FYB2: variants seen among roughly 807,000 people sequenced by gnomAD.
FYB2 encodes FYN-binding protein 2.
FYB2 carries 103 observed loss-of-function variants against 94.1 expected under a neutral mutation model. The ratio of observed to expected loss-of-function variants is 1.09; its 90% CI spans 0.93 to 1.29. The LOEUF (loss-of-function observed/expected upper bound fraction) is 1.29. Among genes scored for constraint, FYB2 ranks in the 50% most tolerant of loss-of-function variants. FYB2 has a pLI of 0.00. For synonymous variants in FYB2, 293 were observed against 287.9 expected (o/e 1.02, Z -0.18); for missense variants, 896 against 841.5 (o/e 1.06, Z -0.80).
intron 1 of FYB2, among the ~76,000 whole-genome samples, chr1:56,797,813 A>C (rs1646434320): frequency 6.6e-6 from 1 of 152,206 alleles, no homozygotes; most frequent in African/African-American, 2.4e-5. Flanking sequence ...ACAACAACAA[A>C]ACACACTGGC....
In FYB2 at chr1:56,732,731, TAC is replaced by T. The variant is rs574737477; in HGVS notation, c.1793+4354_1793+4355del. On this transcript the variant is annotated intron_variant, in intron 15 of 19. Transcript: ENST00000343433. ...CTCCAAGAACACTCAATGGGGGAAGTACAGTCTTTTCAGTAAATGGTGCTAGG... is the reference window on the plus strand; with the variant it reads ...CTCCAAGAACACTCAATGGGGGAAGTAGTCTTTTCAGTAAATGGTGCTAGG... 1.9e-3 allele frequency among the ~76,000 whole-genome samples: 292 copies of T among 152,108 alleles called. 1 individual carries two copies. The highest frequency in any genetic ancestry group is 6.8e-3 in the African/African-American group (281 of 41,516).
intron 16 of FYB2, among the ~76,000 whole-genome samples, chr1:56,726,195 C>T (rs1410429284): frequency 6.6e-6 from 1 of 151,968 alleles, no homozygotes; most frequent in African/African-American, 2.4e-5. Flanking sequence ...GAAGTTCTTA[C>T]ACCTAAAAGA....
chr1:56,822,625 A>T (rs1646998897), upstream of FYB2, among the ~76,000 whole-genome samples: 1 of 151,964 alleles, frequency 6.6e-6, no homozygotes. Flanking sequence ...CTTACTTTCA[A>T]TCTCAGATTC....
At chr1:56,788,409 T>TGGTGAGGGATGAGA (rs1557649325) in intron 3 of FYB2, among the ~76,000 whole-genome samples, 3 of 151,468 alleles carry the variant, frequency 2.0e-5, no homozygotes, top group African/African-American at 7.3e-5. Context: ...GTGGTGGGAG[T>TGGTGAGGGATGAGA]GGTGAGGGAT....
intron 15 of FYB2, among the ~76,000 whole-genome samples, chr1:56,732,557 G>A (rs1233679344): frequency 6.6e-6 from 1 of 151,996 alleles, no homozygotes; most frequent in African/African-American, 2.4e-5. Context: ...TCTGTATAAA[G>A]CACAGTACCA....
Position 56,744,008 on chromosome 1 carries a change from A to C in FYB2, c.1543+18T>G. 1 of 1,610,394 alleles carries C rather than the reference A, an allele frequency of 6.2e-7. No homozygotes were observed. The highest frequency in any genetic ancestry group is 8.5e-7 in the Non-Finnish European group (1 of 1,178,330). The stretch of plus-strand genomic sequence containing the variant: ...GCAATTCCTACTGGCAACTTCAGAA[A>C]TGTCTTCCTATACTTACCACTACTT... On this transcript the variant is annotated intron_variant, in intron 11 of 19. Coordinates refer to ENST00000343433, the MANE Select transcript of FYB2 (RefSeq NM_001004303.5).
chr1:56,746,226 G>A lies in FYB2; in HGVS notation c.1388-1960C>T, dbSNP rs1645063992. Among the ~76,000 whole-genome samples, 3 of 151,834 alleles carry A rather than the reference G, an allele frequency of 2.0e-5. No homozygotes were observed. In the South Asian group the frequency reaches 6.2e-4, roughly 32 times the overall value. On this transcript the variant is annotated intron_variant, in intron 9 of 19. Coordinates refer to ENST00000343433, the MANE Select transcript of FYB2 (RefSeq NM_001004303.5). ...ACCCCCATTTCCTAGAACAGTGCTG[G>A]GCACATAAAAAGTACTTAATATATT...
At chr1:56,724,724 C>T (rs1644552011) in intron 16 of FYB2, among the ~76,000 whole-genome samples, 1 of 151,830 alleles carries the variant, frequency 6.6e-6, no homozygotes, top group Non-Finnish European at 1.5e-5. Context: ...ATCAGCTGCC[C>T]ATTTCCCTAC....
intron 4 of FYB2, among the ~76,000 whole-genome samples, chr1:56,770,904 T>A (rs139327412): frequency 1.4e-4 from 21 of 152,172 alleles, no homozygotes; most frequent in Middle Eastern, 3.4e-3. Flanking sequence ...AACAGGGAAA[T>A]GGAAATCAAG....
intron 15 of FYB2, among the ~76,000 whole-genome samples, chr1:56,730,595 T>A (rs1020125226): frequency 6.6e-6 from 1 of 151,690 alleles, no homozygotes; most frequent in Non-Finnish European, 1.5e-5. Flanking sequence ...AAGAAAAAAT[T>A]AAAAAACTTG....
intron 4 of FYB2, among the ~76,000 whole-genome samples, chr1:56,776,152 T>C (rs1645870817): frequency 6.6e-6 from 1 of 152,012 alleles, no homozygotes; most frequent in Non-Finnish European, 1.5e-5. Context: ...AACTGAAAAA[T>C]GAAAATAATG....
chr1:56,822,656 C>A (rs1324151604), upstream of FYB2, among the ~76,000 whole-genome samples: 1 of 151,660 alleles, frequency 6.6e-6, no homozygotes, highest in African/African-American at 2.4e-5. Flanking sequence ...TCTGCAGTGT[C>A]TCCTATTATG....
Position 56,723,675 on chromosome 1 carries a change from A to C in FYB2, c.1887T>G (p.Ser629=). The C allele has an allele frequency of 1.3e-6, 2 of 1,542,132 alleles. No homozygotes were observed. The highest frequency in any genetic ancestry group is 1.8e-6 in the Non-Finnish European group (2 of 1,121,224). The part of the protein sequence containing the change: ...KNGAEESESF[S]PRNFFKTKKQ... ...TCTTGGTTTTGAAGAAATTTCTAGG[A>C]GAGAAACTAGCAAGAAATGTGCAGG... Residue 629 remains serine, a synonymous_variant, in exon 17 of 20, where the codon TCT becomes TCG. Transcript: ENST00000343433.
intron 16 of FYB2, 96 bp from the exon 17 acceptor site, chr1:56,723,777 G>T (rs1451148633): frequency 2.9e-6 from 2 of 681,742 alleles, no homozygotes; most frequent in Admixed American, 6.7e-5. Context: ...ATAAATTCAG[G>T]TATAATTTTT....
chr1:56,753,978 T>C (rs1360847587), intron 7 of FYB2, 43 bp from the exon 8 acceptor site: 1 of 1,250,488 alleles, frequency 8.0e-7, no homozygotes, highest in Non-Finnish European at 1.2e-6. Flanking sequence ...AAGCTTAGAG[T>C]GTTTAAATGA....
intron 9 of FYB2, among the ~76,000 whole-genome samples, 174 bp downstream of exon 9, chr1:56,750,870 T>C (rs1309219238): frequency 6.6e-6 from 1 of 152,056 alleles, no homozygotes; most frequent in Non-Finnish European, 1.5e-5. Flanking sequence ...TCAAGACTTC[T>C]GCTTTTCAAT....
upstream of FYB2, among the ~76,000 whole-genome samples, chr1:56,821,307 C>T (rs78520805): frequency 0.11 from 16,008 of 152,224 alleles, 1,143 homozygotes; most frequent in Middle Eastern, 0.18. Flanking sequence ...GAGGTCTGCG[C>T]ATTTTGCTTT....
chr1:56,740,099 G>C (rs1227637219), intron 13 of FYB2, among the ~76,000 whole-genome samples: 1 of 151,976 alleles, frequency 6.6e-6, no homozygotes, highest in African/African-American at 2.4e-5. Context: ...TGGCAGAACT[G>C]GTACTAGAAT....
intron 14 of FYB2, among the ~76,000 whole-genome samples, chr1:56,738,021 C>G (rs1453482413): frequency 6.6e-6 from 1 of 152,006 alleles, no homozygotes; most frequent in Non-Finnish European, 1.5e-5. Context: ...AGCTAGAACC[C>G]CTAAACAAAA....
Sources: allele counts gnomAD v4.1 joint callset (sites outside exome capture counted in the v4.1 genomes callset), GRCh38; gene constraint gnomAD v4.1.1; transcripts MANE v1.5; gene names NCBI Gene and HGNC (gene_info 2026-07-23, HGNC 2026-07-21).